The following COL21A1 variants were observed in gnomAD, a reference collection of about 807,000 sequenced individuals.
The protein encoded by COL21A1 is collagen type XXI alpha 1 chain, also known as collagen alpha-1(XXI) chain.
A neutral mutation model predicts 137.9 loss-of-function variants in COL21A1; 149 were observed. The ratio of observed to expected loss-of-function variants is 1.08; its 90% CI spans 0.95 to 1.24. The LOEUF (loss-of-function observed/expected upper bound fraction) is 1.24. Among genes scored for constraint, COL21A1 ranks in the 50% most tolerant of loss-of-function variants. The pLI is 0.00. For synonymous variants in COL21A1, 456 were observed against 391.5 expected, an observed-to-expected ratio of 1.16 and a Z score of -1.95; for missense variants, 1,167 against 1,158.4, an observed-to-expected ratio of 1.01 and a Z score of -0.11.
chr6:56,292,400 C>CCT (rs913386973), intron 1 of COL21A1, among the ~76,000 whole-genome samples: 19 of 141,302 alleles, frequency 1.3e-4, no homozygotes, highest in African/African-American at 4.0e-4. Context: ...GACCCCCCCC[C>CCT]TCCCCCGCCA....
chr6:56,271,629 C>A (rs1483486503), intron 1 of COL21A1, among the ~76,000 whole-genome samples: 1 of 152,194 alleles, frequency 6.6e-6, no homozygotes, highest in Non-Finnish European at 1.5e-5. Context: ...AGAGAATGGG[C>A]AAAATGTCTC....
At chr6:56,359,851 G>A (rs1262316741) in intron 1 of COL21A1, among the ~76,000 whole-genome samples, 5 of 152,140 alleles carry the variant, frequency 3.3e-5, no homozygotes, top group East Asian at 3.9e-4. Flanking sequence ...AGTCCTATCC[G>A]TGTCCTAGAT....
intron 1 of COL21A1, among the ~76,000 whole-genome samples, chr6:56,238,759 C>T (rs1160840139): frequency 6.6e-6 from 1 of 152,138 alleles, no homozygotes; most frequent in Non-Finnish European, 1.5e-5. Context: ...GCTCCAGGTC[C>T]TCAGTTACAT....
chr6:56,376,990 T>C (rs79200369), intron 1 of COL21A1, among the ~76,000 whole-genome samples: 3,717 of 150,722 alleles, frequency 0.025, 140 homozygotes, highest in African/African-American at 0.077. Context: ...CTTTTTTTTT[T>C]TTTTTGAGAC....
chr6:56,123,938 A>C (rs1350107835), intron 16 of COL21A1, 124 bp downstream of exon 16: 2 of 776,422 alleles, frequency 2.6e-6, no homozygotes, highest in African/African-American at 3.6e-5. Flanking sequence ...AAAACCTTTT[A>C]GCTCATGAAT....
At chr6:56,287,450 T>C (rs1264595735) in intron 1 of COL21A1, among the ~76,000 whole-genome samples, 1 of 152,130 alleles carries the variant, frequency 6.6e-6, no homozygotes, top group Non-Finnish European at 1.5e-5. Context: ...GAGAAGACTT[T>C]CCCCTTGCTG....
intron 1 of COL21A1, among the ~76,000 whole-genome samples, chr6:56,349,983 GT>G (rs948165881): frequency 2.6e-5 from 4 of 152,252 alleles, no homozygotes; most frequent in African/African-American, 9.6e-5. Context: ...TCTGCATTCT[GT>G]TTTCCTTGTC....
In COL21A1 at chr6:56,313,610, T is replaced by G. The variant is rs115494163; in HGVS notation, c.-39+80361A>C. 7.5e-3 allele frequency among the ~76,000 whole-genome samples: 1,140 copies of G among 152,262 alleles called. 21 individuals carry two copies. Among genetic ancestry groups the G allele is most frequent in the African/African-American group, 0.027 (1,108 of 41,542 alleles). On this transcript the variant is annotated intron_variant, in intron 1 of 28. Transcript: ENST00000370819. ...TTATCAGATTAGGACTCCACCCTTA[T>G]GACCTCCCTTAATCTTATTAACTTT...
intron 1 of COL21A1, among the ~76,000 whole-genome samples, chr6:56,314,460 G>T (rs990848712): frequency 1.3e-5 from 2 of 152,012 alleles, no homozygotes; most frequent in Admixed American, 6.6e-5. Context: ...TAAGATATGG[G>T]TTGTATAAAA....
At chr6:56,344,869 TAA>T (rs1439951028) in intron 1 of COL21A1, among the ~76,000 whole-genome samples, 2 of 152,168 alleles carry the variant, frequency 1.3e-5, no homozygotes, top group African/African-American at 2.4e-5. Context: ...ACCGTGATTA[TAA>T]GTTTCCTGAG....
At chr6:56,247,934 C>T (rs1197956245), upstream of COL21A1, among the ~76,000 whole-genome samples, 3 of 152,192 alleles carry the variant, frequency 2.0e-5, no homozygotes, top group South Asian at 2.1e-4. Flanking sequence ...CCTCCCTTGC[C>T]CAAGAAGAAC....
chr6:56,147,785 A>C (rs2152245080), intron 10 of COL21A1, among the ~76,000 whole-genome samples: 1 of 152,254 alleles, frequency 6.6e-6, no homozygotes, highest in African/African-American at 2.4e-5. Flanking sequence ...GAGAATGTTG[A>C]AGAAAAATGA....
At chr6:56,380,784 G>T (rs76118480) in intron 1 of COL21A1, among the ~76,000 whole-genome samples, 4,193 of 152,262 alleles carry the variant, frequency 0.028, 175 homozygotes, top group African/African-American at 0.094. Context: ...GTTCCTAAGG[G>T]TGAGAAGGCT....
At chr6:56,252,652 C>T (rs1382333209) in intron 1 of COL21A1, among the ~76,000 whole-genome samples, 4 of 152,096 alleles carry the variant, frequency 2.6e-5, no homozygotes, top group African/African-American at 4.8e-5. Context: ...TGTATAAAGA[C>T]AGTGAGTTCC....
rs1236037783 is a variant in COL21A1, at chr6:56,242,434, C to T, written c.-39+4953G>A. ...AAAATCTCTTTTCTTGGTCCTTAGT[C>T]TTTTCTTCTCGACACCAATGAGTAC... is the stretch of plus-strand genomic sequence containing the variant. On this transcript the variant is annotated intron_variant, in intron 1 of 29. Transcript: ENST00000244728. Among the ~76,000 whole-genome samples the T allele has an allele frequency of 5.3e-5, 8 of 152,224 alleles. No homozygotes were observed. The East Asian group carries it at 1.5e-3, about 29-fold the overall frequency.
At chr6:56,222,942 C>G (rs1780939684) in intron 1 of COL21A1, among the ~76,000 whole-genome samples, 1 of 151,592 alleles carries the variant, frequency 6.6e-6, no homozygotes, top group Non-Finnish European at 1.5e-5. Flanking sequence ...ATTTTTTGCT[C>G]TCATACCAGT....
intron 1 of COL21A1, among the ~76,000 whole-genome samples, chr6:56,271,009 T>A (rs1450089177): frequency 6.6e-6 from 1 of 152,198 alleles, no homozygotes; most frequent in Non-Finnish European, 1.5e-5. Flanking sequence ...AGTGGGGCAC[T>A]GCTATAAAGA....
chr6:56,230,486 G>T (rs1463463061), intron 1 of COL21A1, among the ~76,000 whole-genome samples: 4 of 151,642 alleles, frequency 2.6e-5, no homozygotes, highest in Admixed American at 2.0e-4. Flanking sequence ...TTAAGGAAAA[G>T]ATATACTTCT....
rs1399098361 is a variant in COL21A1, at chr6:56,170,701, G to T, written c.974C>A (p.Thr325Asn). 1 of 1,605,938 alleles carries T rather than the reference G, an allele frequency of 6.2e-7. No homozygotes were observed. Among genetic ancestry groups the T allele is most frequent in the Admixed American group, 1.7e-5 (1 of 58,996 alleles). ...CACTTGTGAGCCATTAATTACGCTG[G>T]TTGTTGTAAATAATAAGATTTTGTC... ...GVDKILLFTTTSVINGSQVVT... is the reference protein window; with the variant it reads ...GVDKILLFTTNSVINGSQVVT... The change falls in exon 5 of 30, where the codon ACC (threonine) becomes AAC (asparagine). Residue 325 changes from threonine (T) to asparagine (N), a missense_variant. By Grantham distance (65) the Thr-to-Asn change is moderately conservative (BLOSUM62 0). Coordinates refer to ENST00000244728, the MANE Select transcript of COL21A1 (RefSeq NM_030820.4).
Sources: allele counts gnomAD v4.1 joint callset (sites outside exome capture counted in the v4.1 genomes callset), GRCh38; gene constraint gnomAD v4.1.1; transcripts MANE v1.5; gene names NCBI Gene and HGNC (gene_info 2026-07-23, HGNC 2026-07-21).